Variants in RAD51B observed in about 807,000 individuals in gnomAD.
RAD51B encodes the protein RAD51 paralog B.
Under a neutral mutation model 42.2 loss-of-function variants are expected in RAD51B, and 38 were observed. The observed-to-expected ratio is 0.90, with a 90% CI of 0.70 to 1.18. RAD51B has a LOEUF of 1.18. Ranked by LOEUF, RAD51B falls within the 50% of genes most tolerant of loss-of-function variation. The probability of loss-of-function intolerance (pLI) is 0.00; values close to 1 mark genes in which losing one functional copy is unlikely to be tolerated. For synonymous variants in RAD51B, 154 were observed against 145.2 expected, an observed-to-expected ratio of 1.06 and a Z score of -0.43; for missense variants, 373 against 400.7, an observed-to-expected ratio of 0.93 and a Z score of 0.59.
intron 8 of RAD51B, among the ~76,000 whole-genome samples, chr14:68,336,889 A>T (rs1464649594): frequency 3.9e-5 from 6 of 152,176 alleles, no homozygotes; most frequent in African/African-American, 9.7e-5. Flanking sequence ...TTCTTAAAAG[A>T]TGCATTTATA....
intron 10 of RAD51B, among the ~76,000 whole-genome samples, chr14:68,576,951 G>C (rs1393308233): frequency 6.6e-6 from 1 of 152,182 alleles, no homozygotes; most frequent in Non-Finnish European, 1.5e-5. Context: ...GATGAAAGCG[G>C]AACCAACAGG....
intron 10 of RAD51B, among the ~76,000 whole-genome samples, chr14:68,543,632 T>C (rs1049693822): frequency 7.2e-5 from 11 of 152,218 alleles, no homozygotes; most frequent in African/African-American, 2.4e-4. Flanking sequence ...AGTGTCCTGC[T>C]CATCTGATCA....
chr14:68,406,515 C>G (rs1482142802), intron 8 of RAD51B, among the ~76,000 whole-genome samples: 2 of 152,148 alleles, frequency 1.3e-5, no homozygotes, highest in Non-Finnish European at 2.9e-5. Context: ...CTTACTATGA[C>G]TGCAGCTTAT....
chr14:68,147,794 CAAGGGAA>C (rs1201338831), intron 7 of RAD51B, among the ~76,000 whole-genome samples: 2 of 94,780 alleles, frequency 2.1e-5, no homozygotes, highest in Non-Finnish European at 4.3e-5. Flanking sequence ...AAAGATAAAG[CAAGGGAA>C]ATTAAAAAAA....
intron 7 of RAD51B, among the ~76,000 whole-genome samples, chr14:67,954,232 A>C (rs1221458246): frequency 6.6e-6 from 1 of 152,216 alleles, no homozygotes; most frequent in African/African-American, 2.4e-5. Context: ...TCAGAGGCTT[A>C]CATTCTCAAT....
intron 1 of RAD51B, among the ~76,000 whole-genome samples, chr14:67,822,677 C>T (rs1023909790): frequency 4.0e-5 from 6 of 151,890 alleles, no homozygotes; most frequent in African/African-American, 1.2e-4. Context: ...GAGCTGAGAT[C>T]GAGCCACTGC....
intron 7 of RAD51B, among the ~76,000 whole-genome samples, chr14:68,181,683 C>T (rs573147649): frequency 2.0e-5 from 3 of 152,188 alleles, no homozygotes; most frequent in Middle Eastern, 3.4e-3. Context: ...AAGGAAGTTA[C>T]GGGAAATCAC....
chr14:68,645,766 C>T (rs1892552461), intron 10 of RAD51B, among the ~76,000 whole-genome samples: 1 of 152,124 alleles, frequency 6.6e-6, no homozygotes, highest in African/African-American at 2.4e-5. Flanking sequence ...AAAAACTCTC[C>T]AGACACATCC....
At position 68,197,038 on chromosome 14, in the gene RAD51B, T is replaced by C. The variant is rs193241224; in HGVS notation, c.757-94846T>C. On this transcript the variant is annotated intron_variant, in intron 7 of 10. Transcript: ENST00000471583. ...CTGGAGGGAAGTTTTCCTTATTTAC[T>C]CATGATACTAACTCAAGGAAATGCA... Among the ~76,000 whole-genome samples, 496 of 152,328 alleles carry C rather than the reference T, an allele frequency of 3.3e-3. 1 individual carries two copies. Among genetic ancestry groups the C allele is most frequent in the African/African-American group, 0.011 (470 of 41,584 alleles).
At chr14:68,667,343 C>G (rs151279175) in intron 11 of RAD51B, among the ~76,000 whole-genome samples, 70 of 152,364 alleles carry the variant, frequency 4.6e-4, no homozygotes, top group African/African-American at 1.3e-3. Flanking sequence ...GAAACCTCAG[C>G]CTTTGCTCTT....
At chr14:68,444,597 G>A (rs1383153762) in intron 9 of RAD51B, among the ~76,000 whole-genome samples, 1 of 152,212 alleles carries the variant, frequency 6.6e-6, no homozygotes, top group African/African-American at 2.4e-5. Context: ...ATTGGCCACA[G>A]GGCTGCACCT....
chr14:68,123,773 A>C (rs1253485281), intron 7 of RAD51B, among the ~76,000 whole-genome samples: 1 of 152,154 alleles, frequency 6.6e-6, no homozygotes. Context: ...GCGCCACTGC[A>C]CTCCAGTCTG....
chr14:68,601,715 C>T (rs1044809298), intron 10 of RAD51B, among the ~76,000 whole-genome samples: 1 of 152,120 alleles, frequency 6.6e-6, no homozygotes, highest in South Asian at 2.1e-4. Context: ...AGGGGGCCCA[C>T]AAATGCTGCC....
intron 10 of RAD51B, among the ~76,000 whole-genome samples, chr14:68,608,265 G>C (rs930167839): frequency 4.6e-5 from 7 of 152,232 alleles, no homozygotes; most frequent in African/African-American, 1.7e-4. Context: ...GGGAGAGAAA[G>C]AGAATCAAAC....
chr14:68,512,590 A>G (rs1188676656), intron 10 of RAD51B, among the ~76,000 whole-genome samples: 1 of 152,138 alleles, frequency 6.6e-6, no homozygotes, highest in Non-Finnish European at 1.5e-5. Context: ...CCTGGCCCCC[A>G]CACTCTAGGT....
intron 8 of RAD51B, among the ~76,000 whole-genome samples, chr14:68,347,907 G>T (rs1414079937): frequency 2.6e-5 from 4 of 152,174 alleles, no homozygotes; most frequent in African/African-American, 9.7e-5. Flanking sequence ...ACACTAAAAA[G>T]AGAGTAGATA....
chr14:68,636,531 G>A (rs994572315), intron 10 of RAD51B, among the ~76,000 whole-genome samples: 21 of 149,184 alleles, frequency 1.4e-4, no homozygotes, highest in African/African-American at 2.5e-4. Flanking sequence ...TGCAGTGAGC[G>A]GAGATTGTGC....
exon 11 of RAD51B, chr14:68,595,017 T>C: frequency 9.3e-7 from 1 of 1,073,488 alleles, no homozygotes; most frequent in Admixed American, 5.0e-5. Context: ...TAGGATCCAG[T>C]AGCCTAGATT....
At chr14:68,328,311 C>A (rs1257387808) in intron 8 of RAD51B, among the ~76,000 whole-genome samples, 1 of 152,174 alleles carries the variant, frequency 6.6e-6, no homozygotes, top group Non-Finnish European at 1.5e-5. Context: ...TTCTCCACCC[C>A]TCCTTTCATT....
Sources: allele counts gnomAD v4.1 joint callset (sites outside exome capture counted in the v4.1 genomes callset), GRCh38; gene constraint gnomAD v4.1.1; transcripts MANE v1.5; gene names NCBI Gene and HGNC (gene_info 2026-07-23, HGNC 2026-07-21).